MED13L: variants seen among roughly 807,000 people sequenced by gnomAD.
The protein encoded by MED13L is mediator of RNA polymerase II transcription subunit 13-like.
Under a neutral mutation model 220.9 loss-of-function variants are expected in MED13L, and 7 were observed. The ratio of observed to expected loss-of-function variants is 0.03; its 90% CI spans 0.02 to 0.06. MED13L has a LOEUF of 0.06. Among genes scored for constraint, MED13L ranks in the 10% least tolerant of loss-of-function variants. The pLI is 1.00. For synonymous variants in MED13L, 1,011 were observed against 1,015.2 expected (o/e 1.00, Z 0.08); for missense variants, 1,965 against 2,760.5 (o/e 0.71, Z 6.46).
rs532859034 is a variant in MED13L at position 116,274,414 on chromosome 12, A to C, written c.72+2646T>G. 6.3e-4 allele frequency among the ~76,000 whole-genome samples: 95 copies of C among 149,646 alleles called. No individual in the cohort carries two copies. The East Asian group carries it at 9.3e-3, about 15-fold the overall frequency. The stretch of plus-strand genomic sequence containing the variant: ...TTTATAAATACTTTTCTCTGCAAAA[A>C]AAAACAAAACAAAAAAAAAAAAAAC... On this transcript the variant is annotated intron_variant, in intron 1 of 30. Coordinates refer to ENST00000281928, the MANE Select transcript of MED13L (RefSeq NM_015335.5).
chr12:115,999,146 C>T (rs1420650598), intron 14 of MED13L, among the ~76,000 whole-genome samples: 1 of 152,134 alleles, frequency 6.6e-6, no homozygotes, highest in Non-Finnish European at 1.5e-5. Flanking sequence ...GGTGGGATAG[C>T]TCACACCTAT....
chr12:116,156,105 A>G (rs1878404648), intron 2 of MED13L, among the ~76,000 whole-genome samples: 1 of 152,094 alleles, frequency 6.6e-6, no homozygotes, highest in Admixed American at 6.6e-5. Flanking sequence ...ATTATCGTAA[A>G]TAACTATCAT....
chr12:115,996,988 A>G, intron 15 of MED13L, 22 bp downstream of exon 15: 1 of 1,597,482 alleles, frequency 6.3e-7, no homozygotes, highest in African/African-American at 1.3e-5. Context: ...TGCCCTGGAA[A>G]TGTTAATATA....
intron 4 of MED13L, among the ~76,000 whole-genome samples, chr12:116,095,768 T>A (rs1214644738): frequency 1.3e-5 from 2 of 152,214 alleles, no homozygotes; most frequent in African/African-American, 4.8e-5. Flanking sequence ...TCCAACTACA[T>A]GTGTGCTACA....
chr12:116,082,575 C>T (rs949457666), intron 4 of MED13L: 1 of 152,044 alleles, frequency 6.6e-6, no homozygotes, highest in African/African-American at 2.4e-5. Flanking sequence ...TCCTCTTGTT[C>T]GCTTCAGAAG....
intron 2 of MED13L, among the ~76,000 whole-genome samples, chr12:116,133,630 C>T (rs1017545714): frequency 6.6e-6 from 1 of 152,178 alleles, no homozygotes; most frequent in Admixed American, 6.5e-5. Context: ...CCTTTTCTTA[C>T]AGTGCGACAC....
intron 1 of MED13L, among the ~76,000 whole-genome samples, chr12:116,240,681 C>T (rs937985845): frequency 9.2e-5 from 14 of 151,746 alleles, no homozygotes; most frequent in East Asian, 5.9e-4. Context: ...TGACTACAGG[C>T]GCCCGCCACC....
intron 4 of MED13L, among the ~76,000 whole-genome samples, chr12:116,044,263 T>C (rs190027194): frequency 6.8e-6 from 1 of 147,402 alleles, no homozygotes; most frequent in African/African-American, 2.4e-5. Context: ...GTAAGTGTTT[T>C]CAAAAAAATT....
intron 2 of MED13L, among the ~76,000 whole-genome samples, chr12:116,214,249 A>T (rs964313589): frequency 6.6e-6 from 1 of 152,210 alleles, no homozygotes; most frequent in Admixed American, 6.5e-5. Flanking sequence ...GTTTAACAGT[A>T]ACTATAAAAT....
At chr12:116,072,328 A>C (rs1406013076) in intron 4 of MED13L, among the ~76,000 whole-genome samples, 2 of 152,226 alleles carry the variant, frequency 1.3e-5, no homozygotes, top group Non-Finnish European at 2.9e-5. Context: ...AATGGTAAAG[A>C]ATTAGACTAA....
chr12:116,187,479 C>A (rs960685768), intron 2 of MED13L, among the ~76,000 whole-genome samples: 2 of 152,164 alleles, frequency 1.3e-5, no homozygotes, highest in East Asian at 3.8e-4. Context: ...CACCTCAGAA[C>A]TATAAACTAT....
At position 116,213,152 on chromosome 12, in the gene MED13L, C is replaced by G. The variant is rs537485837; in HGVS notation, c.310+24316G>C. Among the ~76,000 whole-genome samples the G allele has an allele frequency of 4.7e-5, 7 of 148,158 alleles. No individual in the cohort carries two copies. In the South Asian group the frequency reaches 1.6e-3, roughly 34 times the overall value. On this transcript the variant is annotated intron_variant, in intron 2 of 30. Coordinates refer to ENST00000281928, the MANE Select transcript of MED13L (RefSeq NM_015335.5). ...TTAAACTTCATCTCCCACACTCTTCCAATAAACCAAGGTTTCCTTCTCCAC... is the reference window on the plus strand; with the variant it reads ...TTAAACTTCATCTCCCACACTCTTCGAATAAACCAAGGTTTCCTTCTCCAC...
intron 3 of MED13L, among the ~76,000 whole-genome samples, 161 bp from the exon 4 acceptor site, chr12:116,096,913 A>G (rs903946498): frequency 9.2e-5 from 14 of 152,214 alleles, no homozygotes; most frequent in African/African-American, 2.9e-4. Context: ...ATACTTTCCG[A>G]AAGAACTCTG....
intron 2 of MED13L, among the ~76,000 whole-genome samples, chr12:116,235,645 G>A (rs1870013094): frequency 6.6e-6 from 1 of 152,046 alleles, no homozygotes; most frequent in South Asian, 2.1e-4. Context: ...ATTTACACAT[G>A]CAATCTAAAG....
intron 1 of MED13L, among the ~76,000 whole-genome samples, chr12:116,246,955 G>A (rs1419636553): frequency 6.7e-6 from 1 of 150,372 alleles, no homozygotes; most frequent in Non-Finnish European, 1.5e-5. Flanking sequence ...GAGGGAGGGA[G>A]AGAGGAAATT....
At chr12:116,053,230 A>G (rs1868653326) in intron 4 of MED13L, among the ~76,000 whole-genome samples, 2 of 152,234 alleles carry the variant, frequency 1.3e-5, no homozygotes, top group Admixed American at 1.3e-4. Context: ...AGTTAAAAAC[A>G]TGAGTAAAAC....
intron 4 of MED13L, among the ~76,000 whole-genome samples, chr12:116,096,256 G>A (rs1872623163): frequency 6.7e-6 from 1 of 148,500 alleles, no homozygotes; most frequent in African/African-American, 2.5e-5. Context: ...TTGGGAGGCT[G>A]AGTTGGGAGG....
intron 27 of MED13L, among the ~76,000 whole-genome samples, chr12:115,969,561 A>T (rs1435243410): frequency 2.0e-5 from 3 of 151,904 alleles, no homozygotes; most frequent in African/African-American, 7.3e-5. Flanking sequence ...AAGCAAATCA[A>T]AGCACAATGT....
chr12:116,157,544 G>A (rs1021273723), intron 2 of MED13L, among the ~76,000 whole-genome samples: 8 of 152,270 alleles, frequency 5.3e-5, no homozygotes, highest in African/African-American at 1.7e-4. Flanking sequence ...CTTTGGCAAC[G>A]GTTTTGTCTA....
Sources: allele counts gnomAD v4.1 joint callset (sites outside exome capture counted in the v4.1 genomes callset), GRCh38; gene constraint gnomAD v4.1.1; transcripts MANE v1.5; gene names NCBI Gene and HGNC (gene_info 2026-07-23, HGNC 2026-07-21).